CSMD3: variants seen among roughly 807,000 people sequenced by gnomAD.
The protein encoded by CSMD3 is CUB and sushi domain-containing protein 3.
CSMD3 carries 177 observed loss-of-function variants against 435.2 expected under a neutral mutation model. That is an observed-to-expected ratio of 0.41 (90% CI 0.36 to 0.46). The LOEUF (loss-of-function observed/expected upper bound fraction) is 0.46. CSMD3 is among the 20% of genes least tolerant of loss of function. CSMD3 has a pLI of 0.34. For missense variants in CSMD3, 4,265 were observed against 4,504.6 expected (o/e 0.95, Z 1.52); for synonymous variants, 1,656 against 1,520.5 (o/e 1.09, Z -2.07).
In CSMD3 at chr8:112,255,420, A is replaced by G. The variant is rs760825188; in HGVS notation, c.9870T>C (p.Phe3290=). 1.2e-6 allele frequency: 2 copies of G among 1,613,674 alleles called. No individual in the cohort carries two copies. The highest frequency in any genetic ancestry group is 1.1e-5 in the South Asian group (1 of 91,078). ...GGGCAGGTATACCAGGGTCACCACA[A>G]AACTTTGCTGGAAATGAAAAGAAAG... ...SGEVPQCLPK[F]CGDPGIPAQG... is the part of the protein sequence containing the mutation. Residue 3290 remains phenylalanine (F), a synonymous_variant, in exon 62 of 71, where the codon TTT becomes TTC. Coordinates refer to ENST00000297405, the MANE Select transcript of CSMD3 (RefSeq NM_198123.2).
intron 1 of CSMD3, among the ~76,000 whole-genome samples, chr8:113,320,098 A>T (rs2093939038): frequency 6.6e-6 from 1 of 152,044 alleles, no homozygotes; most frequent in African/African-American, 2.4e-5. Context: ...AAGTATTATG[A>T]TTTGGGTGTG....
chr8:113,018,344 T>G (rs1290687658), intron 6 of CSMD3, among the ~76,000 whole-genome samples: 1 of 151,930 alleles, frequency 6.6e-6, no homozygotes, highest in Admixed American at 6.6e-5. Context: ...TGAAGACTAC[T>G]AAAGGGGAAA....
intron 7 of CSMD3, among the ~76,000 whole-genome samples, chr8:112,962,699 G>T (rs2084275993): frequency 6.6e-6 from 1 of 151,810 alleles, no homozygotes; most frequent in African/African-American, 2.4e-5. Context: ...GGGTTCTGAT[G>T]GTTGTATTTA....
intron 8 of CSMD3, among the ~76,000 whole-genome samples, chr8:112,953,145 G>A (rs532598906): frequency 2.6e-5 from 4 of 151,280 alleles, no homozygotes; most frequent in Non-Finnish European, 1.5e-5. Context: ...ATTCTAATAC[G>A]CTGTAATTCT....
intron 13 of CSMD3, among the ~76,000 whole-genome samples, chr8:112,725,198 T>C (rs1563897841): frequency 6.6e-6 from 1 of 151,920 alleles, no homozygotes; most frequent in African/African-American, 2.4e-5. Context: ...TTTATAATCA[T>C]AGTCCCGTAA....
rs559651009 is a variant in CSMD3 at position 112,927,899 on chromosome 8, T to C, written c.1509-6148A>G. ...GTCTGGATATTGTTACTGGGTATCT[T>C]GCTTTGTGGAATGCTTAAGGTCACT... On this transcript the variant is annotated intron_variant, in intron 9 of 70. Coordinates refer to ENST00000297405, the MANE Select transcript of CSMD3 (RefSeq NM_198123.2). Among the ~76,000 whole-genome samples, 5 of 152,288 alleles carry C rather than the reference T, an allele frequency of 3.3e-5. No homozygotes were observed. In the South Asian group the frequency reaches 1.0e-3, roughly 32 times the overall value.
At chr8:112,306,237 G>A (rs751118735) in intron 50 of CSMD3, 45 bp from the exon 51 acceptor site, 9 of 1,478,840 alleles carry the variant, frequency 6.1e-6, no homozygotes, top group Admixed American at 1.7e-5. Flanking sequence ...ACAGAAAAAT[G>A]TTTAATTTAT....
intron 5 of CSMD3, among the ~76,000 whole-genome samples, chr8:113,094,789 G>A (rs191002196): frequency 6.6e-6 from 1 of 152,076 alleles, no homozygotes; most frequent in Admixed American, 6.5e-5. Context: ...TATCATATGT[G>A]GGCCAGGTGC....
chr8:113,308,844 T>A (rs546619438), intron 2 of CSMD3, among the ~76,000 whole-genome samples: 1 of 152,346 alleles, frequency 6.6e-6, no homozygotes, highest in East Asian at 1.9e-4. Context: ...TATATGCATC[T>A]GGATGTTATT....
intron 22 of CSMD3, among the ~76,000 whole-genome samples, chr8:112,635,327 T>G (rs2074627341): frequency 6.6e-6 from 1 of 151,968 alleles, no homozygotes; most frequent in Non-Finnish European, 1.5e-5. Context: ...AAAATGAAGT[T>G]GAGAAAAGTG....
intron 38 of CSMD3, among the ~76,000 whole-genome samples, chr8:112,369,987 G>GGAAGAGGAA (rs61396305): frequency 0.043 from 4,207 of 98,290 alleles, 601 homozygotes; most frequent in African/African-American, 0.14. Context: ...AAGAGAAAGA[G>GGAAGAGGAA]GAAGAGGAAG....
chr8:112,411,170 T>A (rs1173239067), intron 32 of CSMD3, among the ~76,000 whole-genome samples: 1 of 151,178 alleles, frequency 6.6e-6, no homozygotes, highest in Non-Finnish European at 1.5e-5. Context: ...TTATTGTTTG[T>A]ATGCAGATAA....
chr8:112,231,475 T>C (rs1300762879), intron 69 of CSMD3, 70 bp downstream of exon 69: 2 of 964,372 alleles, frequency 2.1e-6, no homozygotes, highest in Non-Finnish European at 3.4e-6. Flanking sequence ...ATGTACAGAA[T>C]CCACAGTCTT....
rs1198634390 is a variant in CSMD3, at chr8:113,352,075, T to C, written c.179-37282A>G. 3.3e-5 allele frequency among the ~76,000 whole-genome samples: 5 copies of C among 152,146 alleles called. No homozygotes were observed. In the East Asian group the frequency reaches 9.7e-4, roughly 29 times the overall value. On this transcript the variant is annotated intron_variant, in intron 1 of 70. Transcript: ENST00000297405. ...TCCTCACATATTTCAGGATTATTTCTTGTCATTTAATTGCTACACAATATC... is the reference window on the plus strand; with the variant it reads ...TCCTCACATATTTCAGGATTATTTCCTGTCATTTAATTGCTACACAATATC...
chr8:113,368,113 T>C (rs567535431), intron 1 of CSMD3, among the ~76,000 whole-genome samples: 1 of 152,164 alleles, frequency 6.6e-6, no homozygotes, highest in Non-Finnish European at 1.5e-5. Flanking sequence ...CAAATGAAAA[T>C]TTTCTTTTCT....
chr8:112,372,595 A>G (rs760219820), intron 38 of CSMD3, among the ~76,000 whole-genome samples: 3 of 152,134 alleles, frequency 2.0e-5, no homozygotes, highest in African/African-American at 2.4e-5. Context: ...CATGCCTGTA[A>G]TCTTAGCACT....
intron 13 of CSMD3, among the ~76,000 whole-genome samples, chr8:112,799,758 G>T (rs1023335382): frequency 2.0e-5 from 3 of 151,886 alleles, no homozygotes; most frequent in African/African-American, 7.2e-5. Context: ...TACAAAAAAA[G>T]ATTTGTACAT....
At chr8:113,108,400 C>A (rs1457863615) in intron 4 of CSMD3, among the ~76,000 whole-genome samples, 2 of 149,998 alleles carry the variant, frequency 1.3e-5, no homozygotes, top group East Asian at 4.0e-4. Context: ...TGCATGCCAG[C>A]CTAGTGAGAG....
chr8:112,662,827 G>GA (rs2075419957), intron 17 of CSMD3, among the ~76,000 whole-genome samples: 1 of 151,674 alleles, frequency 6.6e-6, no homozygotes, highest in African/African-American at 2.4e-5. Flanking sequence ...AAATTTACAA[G>GA]AAAAAAACTA....
Sources: allele counts gnomAD v4.1 joint callset (sites outside exome capture counted in the v4.1 genomes callset), GRCh38; gene constraint gnomAD v4.1.1; transcripts MANE v1.5; gene names NCBI Gene and HGNC (gene_info 2026-07-23, HGNC 2026-07-21).